Variants in KCNIP4 observed in about 807,000 individuals in gnomAD.
The protein encoded by KCNIP4 is potassium voltage-gated channel interacting protein 4, also known as Kv channel-interacting protein 4.
KCNIP4 carries 12 observed loss-of-function variants against 34.0 expected under a neutral mutation model. That is an observed-to-expected ratio of 0.35 (90% CI 0.23 to 0.57). The LOEUF (loss-of-function observed/expected upper bound fraction) is 0.57. KCNIP4 is among the 20% of genes least tolerant of loss of function. The pLI, the probability that KCNIP4 is intolerant of heterozygous loss-of-function variation, is 0.83. For missense variants in KCNIP4, 238 were observed against 311.7 expected, an observed-to-expected ratio of 0.76 and a Z score of 1.78; for synonymous variants, 124 against 102.2, an observed-to-expected ratio of 1.21 and a Z score of -1.29.
At chr4:21,368,971 C>T (rs1419898907) in intron 1 of KCNIP4, among the ~76,000 whole-genome samples, 1 of 146,910 alleles carries the variant, frequency 6.8e-6, no homozygotes, top group Non-Finnish European at 1.5e-5. Context: ...TCCATCCATC[C>T]ATTCATTTGT....
chr4:21,098,858 T>C (rs142497570), intron 1 of KCNIP4, among the ~76,000 whole-genome samples: 5,218 of 152,014 alleles, frequency 0.034, 146 homozygotes, highest in Admixed American at 0.08. Context: ...CCAACAAACA[T>C]ATGAAAAAAA....
Position 21,791,957 on chromosome 4 carries a change from G to A in KCNIP4, c.61+156614C>T, listed in dbSNP as rs1054603662. On this transcript the variant is annotated intron_variant, in intron 1 of 8. Transcript: ENST00000382152. ...GCGGAGGTTGCAGTGAGCCGAGATT[G>A]CACCGCTGTACTCCAGCCTGGTGAC... 3.0e-5 allele frequency among the ~76,000 whole-genome samples: 4 copies of A among 133,578 alleles called. No homozygotes were observed. In the South Asian group the frequency reaches 9.8e-4, roughly 33 times the overall value. The allele number at this position is 133,578 out of a possible 152,430, so 87.6% of individuals were successfully genotyped here.
At chr4:21,577,454 ACT>A (rs961388589) in intron 1 of KCNIP4, among the ~76,000 whole-genome samples, 13 of 151,572 alleles carry the variant, frequency 8.6e-5, no homozygotes, top group Middle Eastern at 3.4e-3. Context: ...ATATAGCAAA[ACT>A]CTCTCTCTAC....
At chr4:20,956,915 CTATTA>C (rs1417453521) in intron 1 of KCNIP4, among the ~76,000 whole-genome samples, 1 of 152,038 alleles carries the variant, frequency 6.6e-6, no homozygotes, top group Non-Finnish European at 1.5e-5. Flanking sequence ...TGCATAGCAT[CTATTA>C]TATCAAAACA....
At chr4:21,212,461 A>T (rs942894377) in intron 1 of KCNIP4, among the ~76,000 whole-genome samples, 1 of 152,212 alleles carries the variant, frequency 6.6e-6, no homozygotes, top group Non-Finnish European at 1.5e-5. Flanking sequence ...AGTGTAAGTT[A>T]TTCATTATCA....
At chr4:20,882,546 C>A in intron 2 of KCNIP4, 62 bp downstream of exon 2, 1 of 1,130,370 alleles carries the variant, frequency 8.8e-7, no homozygotes, top group Non-Finnish European at 1.3e-6. Flanking sequence ...GCAATGCATG[C>A]AGGCCTAAAG....
intron 1 of KCNIP4, among the ~76,000 whole-genome samples, chr4:20,926,000 A>C (rs1178354182): frequency 1.3e-5 from 2 of 152,240 alleles, no homozygotes; most frequent in Non-Finnish European, 2.9e-5. Context: ...GCCTGGTCAC[A>C]TAGGTGCTCT....
chr4:21,464,626 G>T (rs1054663316), intron 1 of KCNIP4: 2 of 152,114 alleles, frequency 1.3e-5, no homozygotes, highest in Non-Finnish European at 1.5e-5. Context: ...CCTGGGGAAT[G>T]TTCCATATGT....
chr4:21,721,884 A>T (rs1714844750), intron 1 of KCNIP4, among the ~76,000 whole-genome samples: 1 of 152,168 alleles, frequency 6.6e-6, no homozygotes, highest in Admixed American at 6.6e-5. Flanking sequence ...AATTTCCTCC[A>T]AATTATATGC....
chr4:21,795,978 A>G (rs1361375430), intron 1 of KCNIP4, among the ~76,000 whole-genome samples: 3 of 152,180 alleles, frequency 2.0e-5, no homozygotes, highest in Non-Finnish European at 4.4e-5. Flanking sequence ...CAGAAGCAAA[A>G]GAATCACTTG....
chr4:21,240,239 G>C (rs1360474181), intron 1 of KCNIP4, among the ~76,000 whole-genome samples: 1 of 102,370 alleles, frequency 9.8e-6, no homozygotes, highest in Non-Finnish European at 1.8e-5. Flanking sequence ...TGGGGGGAGG[G>C]GGGAGGGATA....
intron 1 of KCNIP4, among the ~76,000 whole-genome samples, chr4:21,654,483 A>T (rs1000204453): frequency 6.6e-6 from 1 of 151,332 alleles, no homozygotes; most frequent in Admixed American, 6.6e-5. Flanking sequence ...GCTAACAAAT[A>T]CCTTGATTAA....
At chr4:21,896,940 TAAATA>T (rs1727423848) in intron 1 of KCNIP4, among the ~76,000 whole-genome samples, 44 of 9,994 alleles carry the variant, frequency 4.4e-3, no homozygotes, top group African/African-American at 9.1e-3. Flanking sequence ...AAATAATAAA[TAAATA>T]AATAAATAAA....
chr4:21,345,353 C>T (rs1047500542), intron 1 of KCNIP4, among the ~76,000 whole-genome samples: 5 of 152,132 alleles, frequency 3.3e-5, no homozygotes, highest in Non-Finnish European at 7.4e-5. Flanking sequence ...TTGTCTGCAA[C>T]TTCATGGGAG....
chr4:21,010,983 A>G (rs1299622462), intron 1 of KCNIP4, among the ~76,000 whole-genome samples: 1 of 152,204 alleles, frequency 6.6e-6, no homozygotes, highest in African/African-American at 2.4e-5. Context: ...TTTGGAAAAC[A>G]TAACCTGCAC....
At chr4:21,366,262 T>A (rs2109422801) in intron 1 of KCNIP4, among the ~76,000 whole-genome samples, 1 of 152,264 alleles carries the variant, frequency 6.6e-6, no homozygotes, top group Admixed American at 6.5e-5. Context: ...GGAGCTATCC[T>A]CTTTAAAAAA....
chr4:21,258,779 G>A (rs1214534285), intron 1 of KCNIP4, among the ~76,000 whole-genome samples: 1 of 152,074 alleles, frequency 6.6e-6, no homozygotes, highest in African/African-American at 2.4e-5. Context: ...CTACTGGAAT[G>A]CTTTTAGCCT....
At chr4:21,057,219 T>A (rs1490087106) in intron 1 of KCNIP4, among the ~76,000 whole-genome samples, 1 of 152,180 alleles carries the variant, frequency 6.6e-6, no homozygotes, top group Non-Finnish European at 1.5e-5. Flanking sequence ...AAATCATAAA[T>A]CAATTAGTTC....
chr4:21,638,977 G>C (rs1189704450), intron 1 of KCNIP4, among the ~76,000 whole-genome samples: 1 of 152,118 alleles, frequency 6.6e-6, no homozygotes, highest in Non-Finnish European at 1.5e-5. Flanking sequence ...TGAGTAAAGA[G>C]TTATCTTTAA....
Sources: gnomAD v4.1 joint callset for allele counts (sites outside exome capture counted in the v4.1 genomes callset) on GRCh38, gnomAD v4.1.1 for gene constraint, MANE v1.5 for transcripts, NCBI Gene and HGNC (gene_info 2026-07-23, HGNC 2026-07-21) for gene names.